PRIM2: variants seen among roughly 807,000 people sequenced by gnomAD.
The protein encoded by PRIM2 is DNA primase subunit 2.
A neutral mutation model predicts 67.3 loss-of-function variants in PRIM2; 39 were observed. The ratio of observed to expected loss-of-function variants is 0.58; its 90% CI spans 0.45 to 0.76. The LOEUF is 0.76. Among genes scored for constraint, PRIM2 ranks in the 30% least tolerant of loss-of-function variants. The pLI, the probability that PRIM2 is intolerant of heterozygous loss-of-function variation, is 0.00. For missense variants in PRIM2, 398 were observed against 598.7 expected, an observed-to-expected ratio of 0.66 and a Z score of 3.50; for synonymous variants, 143 against 198.7, an observed-to-expected ratio of 0.72 and a Z score of 2.36.
At chr6:57,292,685 C>T in the PRIM2 span, among the ~76,000 whole-genome samples, 2 of 152,172 alleles carry the variant, frequency 1.3e-5, no homozygotes, top group Non-Finnish European at 2.9e-5. Flanking sequence ...AATAACACCA[C>T]ACATCTACAG....
intron 10 of PRIM2, among the ~76,000 whole-genome samples, chr6:57,581,061 CA>C: frequency 6.6e-6 from 1 of 152,070 alleles, no homozygotes; most frequent in South Asian, 2.1e-4. Flanking sequence ...TTTAATTCCT[CA>C]AAACATTTTT....
chr6:57,643,480 A>G (rs1777281920), intron 13 of PRIM2, among the ~76,000 whole-genome samples: 2 of 152,204 alleles, frequency 1.3e-5, no homozygotes, highest in African/African-American at 4.8e-5. Flanking sequence ...GCCTCTGTAC[A>G]TGGAGGAGAT....
the PRIM2 span, among the ~76,000 whole-genome samples, chr6:57,236,539 A>G: frequency 2.6e-5 from 4 of 152,082 alleles, no homozygotes; most frequent in African/African-American, 9.6e-5. Flanking sequence ...TACATTAGGT[A>G]TATCTCCTAA....
intron 7 of PRIM2, among the ~76,000 whole-genome samples, chr6:57,480,099 T>C (rs1728061829): frequency 6.6e-6 from 1 of 152,000 alleles, no homozygotes; most frequent in Non-Finnish European, 1.5e-5. Flanking sequence ...GGCTGAGAGT[T>C]GGTGTCATAA....
At chr6:57,267,293 G>T in the PRIM2 span, among the ~76,000 whole-genome samples, 2 of 152,130 alleles carry the variant, frequency 1.3e-5, no homozygotes, top group African/African-American at 4.8e-5. Context: ...GATGGGACAA[G>T]AATTTGGGTG....
At chr6:57,366,527 G>T (rs950124253) in intron 5 of PRIM2, among the ~76,000 whole-genome samples, 16 of 152,172 alleles carry the variant, frequency 1.1e-4, no homozygotes, top group Non-Finnish European at 4.4e-5. Flanking sequence ...GGCTGCAGAA[G>T]TGGAGGGTGA....
At chr6:57,547,052 C>T (rs1437030265) in intron 10 of PRIM2, among the ~76,000 whole-genome samples, 2 of 152,002 alleles carry the variant, frequency 1.3e-5, no homozygotes, top group Non-Finnish European at 2.9e-5. Context: ...AAGTTTTGAA[C>T]GTCTTATTCC....
chr6:57,332,157 T>C (rs1230009542), intron 5 of PRIM2, among the ~76,000 whole-genome samples: 2 of 152,156 alleles, frequency 1.3e-5, no homozygotes, highest in Admixed American at 1.3e-4. Context: ...TTAGAAGTGT[T>C]TAATTTCCAC....
chr6:57,378,665 C>T (rs1769854311), intron 5 of PRIM2, among the ~76,000 whole-genome samples: 1 of 152,080 alleles, frequency 6.6e-6, no homozygotes, highest in Non-Finnish European at 1.5e-5. Context: ...CAGGTACCGC[C>T]TTAAAACAAG....
At chr6:57,399,705 G>A (rs535070897) in intron 7 of PRIM2, among the ~76,000 whole-genome samples, 2 of 152,032 alleles carry the variant, frequency 1.3e-5, no homozygotes, top group African/African-American at 4.8e-5. Flanking sequence ...AGCACCTGTT[G>A]TTTCCTGACT....
chr6:57,304,390 G>T, the PRIM2 span, among the ~76,000 whole-genome samples: 1 of 152,156 alleles, frequency 6.6e-6, no homozygotes, highest in African/African-American at 2.4e-5. Flanking sequence ...TAATTGGAAA[G>T]ATCTGGACTT....
At chr6:57,330,361 G>GTTTTTTTTT (rs59599812) in intron 5 of PRIM2, among the ~76,000 whole-genome samples, 1 of 110,398 alleles carries the variant, frequency 9.1e-6, no homozygotes, top group Non-Finnish European at 1.8e-5. Flanking sequence ...TTTTTTTTTT[G>GTTTTTTTTT]TTTTTGTTTT....
At chr6:57,473,438 C>CT (rs1214797699) in intron 7 of PRIM2, among the ~76,000 whole-genome samples, 2 of 152,090 alleles carry the variant, frequency 1.3e-5, no homozygotes, top group Non-Finnish European at 2.9e-5. Flanking sequence ...TTAGATTAAC[C>CT]TGGAAAACTT....
rs1157172882 is a variant in PRIM2, at chr6:57,587,664, C to CAA, written c.1021-13400_1021-13399dup. Among the ~76,000 whole-genome samples, 209 of 54,240 alleles carry CAA rather than the reference C, an allele frequency of 3.9e-3. 38 individuals are homozygous for CAA. The East Asian group carries it at 0.055, about 14-fold the overall frequency. The allele number at this position is 54,240 out of a possible 152,430, so 35.6% of individuals were successfully genotyped here. On this transcript the variant is annotated intron_variant, in intron 10 of 13. Transcript: ENST00000615550. ...GGGCAACAAGAGTGAGACTCTGTCT[C>CAA]AAAAAAAAAAAAAAAAAAAAAAAAA...
chr6:57,514,233 T>G (rs2127461842), intron 8 of PRIM2, among the ~76,000 whole-genome samples: 1 of 152,338 alleles, frequency 6.6e-6, no homozygotes, highest in East Asian at 1.9e-4. Flanking sequence ...CACAAATTTT[T>G]TATCAGACAT....
At chr6:57,630,678 T>C (rs1443661523) in intron 12 of PRIM2, among the ~76,000 whole-genome samples, 1 of 152,068 alleles carries the variant, frequency 6.6e-6, no homozygotes, top group Non-Finnish European at 1.5e-5. Flanking sequence ...TATGGGATCA[T>C]CTAAAGCTTA....
chr6:57,360,633 T>A (rs1296734316), intron 5 of PRIM2, among the ~76,000 whole-genome samples: 2 of 152,196 alleles, frequency 1.3e-5, no homozygotes, highest in Non-Finnish European at 2.9e-5. Context: ...TATACACAGC[T>A]GTTTGTGTTT....
chr6:57,600,480 C>T (rs1173063556), intron 10 of PRIM2, among the ~76,000 whole-genome samples: 2 of 151,904 alleles, frequency 1.3e-5, no homozygotes, highest in Non-Finnish European at 2.9e-5. Context: ...GCCTCAGGCT[C>T]CTGAGTAGCT....
chr6:57,417,765 A>C (rs1335180443), intron 7 of PRIM2, among the ~76,000 whole-genome samples: 1 of 152,266 alleles, frequency 6.6e-6, no homozygotes, highest in African/African-American at 2.4e-5. Flanking sequence ...ACGCAGAAAC[A>C]CGAAGTGAGC....
Sources: gnomAD v4.1 joint callset for allele counts (sites outside exome capture counted in the v4.1 genomes callset) on GRCh38, gnomAD v4.1.1 for gene constraint, MANE v1.5 for transcripts, NCBI Gene and HGNC (gene_info 2026-07-23, HGNC 2026-07-21) for gene names.